Variants in FER observed in about 807,000 individuals in gnomAD.
FER encodes FER tyrosine kinase, also known as tyrosine-protein kinase Fer.
Under a neutral mutation model 111.0 loss-of-function variants are expected in FER, and 63 were observed. The ratio of observed to expected loss-of-function variants is 0.57; its 90% CI spans 0.46 to 0.70. The LOEUF is 0.70. Ranked by LOEUF, FER falls within the 30% of genes least tolerant of loss-of-function variation. The pLI, the probability that FER is intolerant of heterozygous loss-of-function variation, is 0.00. For synonymous variants in FER, 327 were observed against 313.9 expected (o/e 1.04, Z -0.44); for missense variants, 914 against 954.0 (o/e 0.96, Z 0.55).
In FER at chr5:109,194,797, A is replaced by G. The variant is rs77682662; in HGVS notation, c.*7222A>G. On this transcript the variant is annotated 3_prime_UTR_variant, in exon 20 of 20. Transcript: ENST00000281092. Reference sequence around the variant, plus strand: ...AAAACTGAGCAGGAAAGGAAACAGAATCCAAAGTCATTTTTCATATAGCTG... The same window carrying G: ...AAAACTGAGCAGGAAAGGAAACAGAGTCCAAAGTCATTTTTCATATAGCTG... 23,061 of 152,212 alleles carry G rather than the reference A, an allele frequency of 0.15. 1,751 individuals carry two copies. Among genetic ancestry groups the G allele is most frequent in the South Asian group, 0.19 (931 of 4,818 alleles). 9.4% of individuals were successfully genotyped at this position (152,212 alleles called of 1,614,324 possible).
At chr5:108,843,885 G>T (rs956178980) in intron 5 of FER, among the ~76,000 whole-genome samples, 3 of 152,008 alleles carry the variant, frequency 2.0e-5, no homozygotes, top group South Asian at 2.1e-4. Flanking sequence ...TTTCAAGCCC[G>T]TAGAAAAGTT....
intron 10 of FER, among the ~76,000 whole-genome samples, chr5:108,926,859 A>G (rs931980287): frequency 6.6e-6 from 1 of 151,014 alleles, no homozygotes; most frequent in African/African-American, 2.4e-5. Context: ...ATTATTTATG[A>G]TTTTTTTTTC....
At chr5:108,794,762 G>A (rs1027689539) in intron 2 of FER, among the ~76,000 whole-genome samples, 1 of 152,034 alleles carries the variant, frequency 6.6e-6, no homozygotes, top group Non-Finnish European at 1.5e-5. Flanking sequence ...CCACACATGT[G>A]GGATCTCCAT....
At chr5:108,878,249 T>C (rs1765296423) in intron 8 of FER, among the ~76,000 whole-genome samples, 1 of 152,170 alleles carries the variant, frequency 6.6e-6, no homozygotes, top group South Asian at 2.1e-4. Flanking sequence ...AAAAATTATC[T>C]AACTAAAGCA....
At chr5:108,958,537 G>A (rs912009737) in intron 12 of FER, among the ~76,000 whole-genome samples, 4 of 151,698 alleles carry the variant, frequency 2.6e-5, no homozygotes, top group Admixed American at 2.6e-4. Context: ...AAGCGGTCTT[G>A]GAGGAGTTTG....
At chr5:108,884,666 T>G (rs749032702) in intron 9 of FER, among the ~76,000 whole-genome samples, 49 of 151,966 alleles carry the variant, frequency 3.2e-4, no homozygotes, top group Non-Finnish European at 6.2e-4. Flanking sequence ...AAAAACAATC[T>G]CCACCTCCCT....
intron 17 of FER, among the ~76,000 whole-genome samples, chr5:109,114,453 T>G (rs1225902410): frequency 6.6e-6 from 1 of 152,088 alleles, no homozygotes; most frequent in Non-Finnish European, 1.5e-5. Context: ...CTTATGAAGC[T>G]ATCTATAATC....
intron 10 of FER, among the ~76,000 whole-genome samples, chr5:108,907,116 A>C (rs916840843): frequency 1.6e-4 from 24 of 152,222 alleles, no homozygotes; most frequent in Non-Finnish European, 5.9e-5. Context: ...TTATGAATGA[A>C]TGTAAAAACA....
chr5:109,105,230 T>TTGTGTGTGTGTGTGTGTG (rs72106747), intron 17 of FER, among the ~76,000 whole-genome samples: 1 of 138,546 alleles, frequency 7.2e-6, no homozygotes, highest in African/African-American at 2.7e-5. Flanking sequence ...CAGCTTATAT[T>TTGTGTGTGTGTGTGTGTG]TGTGTGTGTG....
intron 3 of FER, among the ~76,000 whole-genome samples, chr5:108,800,198 C>G (rs1025984231): frequency 6.6e-6 from 1 of 152,140 alleles, no homozygotes; most frequent in East Asian, 1.9e-4. Flanking sequence ...TTAGTTACCA[C>G]TTATCTGCTT....
intron 16 of FER, among the ~76,000 whole-genome samples, chr5:109,055,972 A>G (rs1581830760): frequency 6.6e-6 from 1 of 152,200 alleles, no homozygotes; most frequent in Non-Finnish European, 1.5e-5. Flanking sequence ...CAGATATACG[A>G]TAGGTGCTCA....
At chr5:109,174,193 G>A (rs964073677) in intron 17 of FER, among the ~76,000 whole-genome samples, 2 of 152,168 alleles carry the variant, frequency 1.3e-5, no homozygotes, top group African/African-American at 4.8e-5. Flanking sequence ...AAGAGAAGAG[G>A]TGAGGAACAG....
intron 16 of FER, among the ~76,000 whole-genome samples, chr5:109,053,382 CA>C (rs779550084): frequency 0.019 from 1,512 of 80,222 alleles, 13 homozygotes; most frequent in African/African-American, 0.048. Context: ...GACTCCGTCT[CA>C]AAAAAAAAAA....
rs540127984 is a variant in FER at position 109,047,271 on chromosome 5, C to G, written c.1924+73C>G. 56 of 842,186 alleles carry G rather than the reference C, an allele frequency of 6.6e-5. No individual in the cohort carries two copies. The African/African-American group carries it at 8.4e-4, about 13-fold the overall frequency. The allele number at this position is 842,186 out of a possible 1,614,324, so 52.2% of individuals were successfully genotyped here. ...TTTATTGTTTTTATATGTTCGATCTCTTTGATTTCTCCTCGTAAAGTCTCC... is the reference window on the plus strand; with the variant it reads ...TTTATTGTTTTTATATGTTCGATCTGTTTGATTTCTCCTCGTAAAGTCTCC... On this transcript the variant is annotated intron_variant, in intron 16 of 19. Coordinates refer to ENST00000281092, the MANE Select transcript of FER (RefSeq NM_005246.4).
At chr5:108,961,457 T>C (rs1759138121) in intron 13 of FER, among the ~76,000 whole-genome samples, 1 of 151,962 alleles carries the variant, frequency 6.6e-6, no homozygotes. Context: ...TGGTTAATTA[T>C]TGTTTTTCCA....
chr5:108,961,306 A>T (rs1412700974), intron 13 of FER, among the ~76,000 whole-genome samples: 1 of 152,176 alleles, frequency 6.6e-6, no homozygotes, highest in Non-Finnish European at 1.5e-5. Flanking sequence ...AAATTGGGAG[A>T]CCAAATCTAT....
chr5:108,755,106 A>G (rs1750936619), intron 1 of FER, among the ~76,000 whole-genome samples: 1 of 152,242 alleles, frequency 6.6e-6, no homozygotes, highest in African/African-American at 2.4e-5. Flanking sequence ...GACTCGAGTC[A>G]TTAAAGCTAT....
At chr5:108,804,934 C>T (rs1032701158) in intron 3 of FER, among the ~76,000 whole-genome samples, 1 of 146,526 alleles carries the variant, frequency 6.8e-6, no homozygotes, top group African/African-American at 2.5e-5. Context: ...CTTTGTACAT[C>T]TAGTAGAATT....
rs577312156 is a variant in FER at position 109,174,575 on chromosome 5, A to G, written c.2049-6172A>G. ...TGCAAAATTTTGCCAGAAACAGGCAATCCTACTGTCCTTCATCAGGACACT... is the reference window on the plus strand; with the variant it reads ...TGCAAAATTTTGCCAGAAACAGGCAGTCCTACTGTCCTTCATCAGGACACT... On this transcript the variant is annotated intron_variant, in intron 17 of 19. Transcript: ENST00000281092. Among the ~76,000 whole-genome samples, 119 of 152,244 alleles carry G rather than the reference A, an allele frequency of 7.8e-4. 2 individuals carry two copies. In the Middle Eastern group the frequency reaches 0.017, roughly 22 times the overall value.
Sources: allele counts gnomAD v4.1 joint callset (sites outside exome capture counted in the v4.1 genomes callset), GRCh38; gene constraint gnomAD v4.1.1; transcripts MANE v1.5; gene names NCBI Gene and HGNC (gene_info 2026-07-23, HGNC 2026-07-21).